PCDH15: variants seen among roughly 807,000 people sequenced by gnomAD.
PCDH15 encodes protocadherin-15.
PCDH15 carries 129 observed loss-of-function variants against 178.5 expected under a neutral mutation model. That is an observed-to-expected ratio of 0.72 (90% CI 0.63 to 0.84). The LOEUF (loss-of-function observed/expected upper bound fraction) is 0.84. Among genes scored for constraint, PCDH15 ranks in the 40% least tolerant of loss-of-function variants. The probability of loss-of-function intolerance (pLI) is 0.00; values close to 1 mark genes in which losing one functional copy is unlikely to be tolerated. For synonymous variants in PCDH15, 800 were observed against 732.0 expected, an observed-to-expected ratio of 1.09 and a Z score of -1.50; for missense variants, 2,230 against 2,099.9, an observed-to-expected ratio of 1.06 and a Z score of -1.21.
intron 2 of PCDH15, among the ~76,000 whole-genome samples, chr10:54,941,452 C>G (rs1355649364): frequency 6.6e-6 from 1 of 151,944 alleles, no homozygotes; most frequent in Non-Finnish European, 1.5e-5. Flanking sequence ...TAATTTTTAT[C>G]TCCTTATTGA....
chr10:55,333,372 T>C (rs1307194904), intron 2 of PCDH15, among the ~76,000 whole-genome samples: 3 of 150,492 alleles, frequency 2.0e-5, no homozygotes, highest in Non-Finnish European at 4.4e-5. Context: ...ATCATCTTTT[T>C]TTTGGTTGTT....
Position 55,585,198 on chromosome 10 carries a change from T to C in PCDH15, c.-156+42427A>G, listed in dbSNP as rs1399538766. On this transcript the variant is annotated intron_variant, in intron 2 of 5. Coordinates refer to the PCDH15 transcript ENST00000613346. Reference sequence around the variant, plus strand: ...CTCACGGGATTACTGGGGATTGTTTTGTTCACTCTTCCTGGGGGTAAAAAA... The same window carrying C: ...CTCACGGGATTACTGGGGATTGTTTCGTTCACTCTTCCTGGGGGTAAAAAA... 2.6e-5 allele frequency among the ~76,000 whole-genome samples: 4 copies of C among 152,168 alleles called. No homozygotes were observed. In the East Asian group the frequency reaches 7.7e-4, roughly 29 times the overall value.
In PCDH15 at chr10:54,492,394, G is replaced by C. The variant is rs561942785; in HGVS notation, c.157+35418C>G. On this transcript the variant is annotated intron_variant, in intron 3 of 37. Coordinates refer to ENST00000644397, the MANE Select transcript of PCDH15 (RefSeq NM_001384140.1). ...GTGAAGGATTCAAAGTAAAATTTCA[G>C]AATGATCATAAATGAATAAAATGTG... Among the ~76,000 whole-genome samples, 176 of 152,254 alleles carry C rather than the reference G, an allele frequency of 1.2e-3. 1 individual carries two copies. Among genetic ancestry groups the C allele is most frequent in the Non-Finnish European group, 1.7e-3 (114 of 68,022 alleles).
chr10:55,551,192 G>T (rs1841996706), intron 2 of PCDH15, among the ~76,000 whole-genome samples: 2 of 151,918 alleles, frequency 1.3e-5, no homozygotes, highest in South Asian at 4.1e-4. Flanking sequence ...TTCTCTCTTT[G>T]TCTTGTAAGG....
At chr10:53,986,021 T>G (rs952625623) in intron 21 of PCDH15, among the ~76,000 whole-genome samples, 1 of 152,204 alleles carries the variant, frequency 6.6e-6, no homozygotes, top group Non-Finnish European at 1.5e-5. Flanking sequence ...ATGAAATATA[T>G]TCTTTAAACA....
At position 55,024,314 on chromosome 10, in the gene PCDH15, AATATAT is replaced by A. The variant is rs4007191; in HGVS notation, c.-79-126820_-79-126815del. Among the ~76,000 whole-genome samples the A allele has an allele frequency of 3.5e-5, 5 of 141,936 alleles. No individual in the cohort carries two copies. In the South Asian group the frequency reaches 1.1e-3, roughly 31 times the overall value. 93.1% of individuals were successfully genotyped at this position (141,936 alleles called of 152,430 possible). A position where few individuals can be genotyped will look rare whatever the true frequency, so the allele number is the denominator to read the frequency against. On this transcript the variant is annotated intron_variant, in intron 2 of 5. Transcript: ENST00000458638. The stretch of plus-strand genomic sequence containing the variant: ...ATATATGAATATATATATGGGATGG[AATATAT>A]ATATATATTCCCATATATAGGAAGA...
At chr10:54,163,418 A>C (rs1321924803) in intron 13 of PCDH15, among the ~76,000 whole-genome samples, 3 of 151,812 alleles carry the variant, frequency 2.0e-5, no homozygotes, top group Non-Finnish European at 4.4e-5. Context: ...AGAGAGAGAG[A>C]GAGCGAGAGG....
intron 3 of PCDH15, among the ~76,000 whole-genome samples, chr10:54,807,149 C>T (rs1409427099): frequency 1.3e-5 from 2 of 152,126 alleles, no homozygotes; most frequent in Non-Finnish European, 2.9e-5. Flanking sequence ...AAGTATTTAG[C>T]ATATTCAGTT....
chr10:54,546,938 G>T (rs957015677), intron 2 of PCDH15, among the ~76,000 whole-genome samples: 2 of 152,076 alleles, frequency 1.3e-5, no homozygotes, highest in African/African-American at 4.8e-5. Flanking sequence ...TATTCATTTG[G>T]GCAACTGAGC....
intron 8 of PCDH15, among the ~76,000 whole-genome samples, chr10:54,309,691 G>A (rs1048716714): frequency 2.6e-5 from 4 of 152,104 alleles, no homozygotes; most frequent in East Asian, 1.9e-4. Flanking sequence ...AGCTACTTGG[G>A]AGGCTGAGAG....
rs770404490 is a variant in PCDH15 at position 54,355,120 on chromosome 10, C to CAAA, written c.475-8639_475-8637dup. On this transcript the variant is annotated intron_variant, in intron 5 of 37. Transcript: ENST00000644397. The stretch of plus-strand genomic sequence containing the variant: ...GCGTATTTCCAAAACAGGAGGATTG[C>CAAA]AAAAAAAAAAAAAAAAAAAAAAAAA... Among the ~76,000 whole-genome samples the CAAA allele has an allele frequency of 3.0e-4, 21 of 69,822 alleles. 1 individual carries two copies. Among genetic ancestry groups the CAAA allele is most frequent in the South Asian group, 1.9e-3 (3 of 1,554 alleles). The allele number at this position is 69,822 out of a possible 152,430, so 45.8% of individuals were successfully genotyped here.
At chr10:54,998,316 C>T (rs1029957167) in intron 2 of PCDH15, among the ~76,000 whole-genome samples, 5 of 151,782 alleles carry the variant, frequency 3.3e-5, no homozygotes, top group Non-Finnish European at 5.9e-5. Context: ...ATGGCCACTC[C>T]AGCATGGCAC....
At chr10:54,328,087 G>C (rs976106738) in intron 7 of PCDH15, among the ~76,000 whole-genome samples, 6 of 151,898 alleles carry the variant, frequency 4.0e-5, no homozygotes, top group Non-Finnish European at 8.8e-5. Context: ...GTATCATCCA[G>C]AGTATTTTCA....
At chr10:54,512,440 C>T (rs2081790896) in intron 3 of PCDH15, among the ~76,000 whole-genome samples, 1 of 147,026 alleles carries the variant, frequency 6.8e-6, no homozygotes, top group Non-Finnish European at 1.5e-5. Flanking sequence ...TACCAATTAA[C>T]TGTACATACA....
chr10:54,413,224 G>T (rs181610412), intron 3 of PCDH15, among the ~76,000 whole-genome samples: 1 of 152,056 alleles, frequency 6.6e-6, no homozygotes, highest in Non-Finnish European at 1.5e-5. Flanking sequence ...AAGTAACGAA[G>T]GGCCTTCCAA....
intron 8 of PCDH15, among the ~76,000 whole-genome samples, chr10:54,313,368 TC>T (rs1179425916): frequency 1.3e-5 from 2 of 152,138 alleles, no homozygotes; most frequent in Admixed American, 1.3e-4. Flanking sequence ...TTGGACTAGT[TC>T]TACTTTGAGT....
intron 1 of PCDH15, among the ~76,000 whole-genome samples, chr10:55,267,476 A>T (rs570373028): frequency 1.6e-3 from 242 of 152,304 alleles, no homozygotes; most frequent in African/African-American, 5.6e-3. Context: ...CCAAACTAGG[A>T]TTATAAAAAC....
intron 2 of PCDH15, among the ~76,000 whole-genome samples, chr10:54,959,773 T>A (rs2131882789): frequency 6.6e-6 from 1 of 152,208 alleles, no homozygotes; most frequent in Non-Finnish European, 1.5e-5. Flanking sequence ...CAAATAAAAA[T>A]TATTCTGTAG....
rs2095456608 is a variant in PCDH15, at chr10:54,714,419, C to T, written c.-28-50129G>A. On this transcript the variant is annotated intron_variant, in intron 1 of 37. Transcript: ENST00000644397. ...CAATGTATAGGTTCATACATGTAAA[C>T]TTCAAACACATATGTACAGTTTAAG... 2.0e-5 allele frequency among the ~76,000 whole-genome samples: 3 copies of T among 152,134 alleles called. No individual in the cohort carries two copies. The South Asian group carries it at 6.2e-4, about 31-fold the overall frequency.
Sources: gnomAD v4.1 joint callset for allele counts (sites outside exome capture counted in the v4.1 genomes callset) on GRCh38, gnomAD v4.1.1 for gene constraint, MANE v1.5 for transcripts, NCBI Gene and HGNC (gene_info 2026-07-23, HGNC 2026-07-21) for gene names.